Variants in KCTD1 observed in about 807,000 individuals in gnomAD.
KCTD1 encodes potassium channel tetramerization domain containing 1.
A neutral mutation model predicts 66.0 loss-of-function variants in KCTD1; 24 were observed. The observed-to-expected ratio is 0.36, with a 90% CI of 0.26 to 0.51. The LOEUF (loss-of-function observed/expected upper bound fraction) is 0.51. KCTD1 is among the 20% of genes least tolerant of loss of function. The pLI, the probability that KCTD1 is intolerant of heterozygous loss-of-function variation, is 0.95. For missense variants in KCTD1, 943 were observed against 1,205.2 expected, an observed-to-expected ratio of 0.78 and a Z score of 3.22; for synonymous variants, 511 against 517.2, an observed-to-expected ratio of 0.99 and a Z score of 0.16.
intron 1 of KCTD1, among the ~76,000 whole-genome samples, chr18:26,613,526 G>A (rs890954303): frequency 5.9e-5 from 9 of 152,186 alleles, no homozygotes; most frequent in African/African-American, 2.2e-4. Flanking sequence ...AAAGCAAAAG[G>A]AGAGAATCAC....
chr18:26,607,687 G>A (rs1163744925), intron 1 of KCTD1, among the ~76,000 whole-genome samples: 1 of 152,102 alleles, frequency 6.6e-6, no homozygotes, highest in Non-Finnish European at 1.5e-5. Flanking sequence ...AGCCCATGCA[G>A]TGTCATATTT....
intron 1 of KCTD1, among the ~76,000 whole-genome samples, chr18:26,512,661 C>T (rs1255343161): frequency 6.6e-6 from 1 of 152,082 alleles, no homozygotes; most frequent in Non-Finnish European, 1.5e-5. Flanking sequence ...ACAGGGAATT[C>T]CTGATGACAA....
upstream of KCTD1, among the ~76,000 whole-genome samples, chr18:26,643,709 T>C (rs144637756): frequency 5.6e-3 from 855 of 152,180 alleles, 1 homozygote; most frequent in African/African-American, 7.4e-3. Context: ...ACGCCTGTAA[T>C]CCCAGCACTT....
chr18:26,493,028 C>A (rs1044502287), intron 2 of KCTD1, among the ~76,000 whole-genome samples: 2 of 152,190 alleles, frequency 1.3e-5, no homozygotes, highest in Non-Finnish European at 1.5e-5. Context: ...ATACATTGAA[C>A]AAACTTTTGA....
chr18:26,467,650 A>T (rs1008633699), intron 3 of KCTD1, among the ~76,000 whole-genome samples: 1 of 152,112 alleles, frequency 6.6e-6, no homozygotes, highest in Non-Finnish European at 1.5e-5. Flanking sequence ...ACCCATCTCT[A>T]CTAAAAATAC....
intron 1 of KCTD1, chr18:26,600,027 C>G: frequency 6.2e-7 from 1 of 1,611,494 alleles, no homozygotes; most frequent in South Asian, 1.1e-5. Context: ...TGGAGGACGA[C>G]AGCATGGATC....
intron 1 of KCTD1, among the ~76,000 whole-genome samples, chr18:26,503,102 G>T (rs989350591): frequency 6.6e-6 from 1 of 152,190 alleles, no homozygotes; most frequent in African/African-American, 2.4e-5. Context: ...GTTTCTACAT[G>T]CTGAATTAAC....
At chr18:26,588,693 C>T (rs1032358871) in intron 1 of KCTD1, among the ~76,000 whole-genome samples, 11 of 152,136 alleles carry the variant, frequency 7.2e-5, no homozygotes, top group Non-Finnish European at 1.3e-4. Flanking sequence ...GAGAAGGAGG[C>T]GCCAACTTGG....
upstream of KCTD1, chr18:26,640,387 T>A (rs1357220074): frequency 6.6e-6 from 1 of 152,242 alleles, no homozygotes; most frequent in Admixed American, 6.5e-5. Context: ...AGATTCAGGC[T>A]GCAGTGAGCC....
intron 3 of KCTD1, among the ~76,000 whole-genome samples, chr18:26,469,170 G>T (rs1001554327): frequency 1.4e-5 from 2 of 146,278 alleles, no homozygotes; most frequent in South Asian, 4.3e-4. Flanking sequence ...ACATGCTTTT[G>T]TTTTTTTTTT....
At chr18:26,539,450 C>T (rs1487539100) in intron 1 of KCTD1, among the ~76,000 whole-genome samples, 2 of 152,106 alleles carry the variant, frequency 1.3e-5, no homozygotes, top group African/African-American at 4.8e-5. Flanking sequence ...CCAAGTAATG[C>T]AGATGTTGCT....
chr18:26,657,152 G>A (rs990692281), intron 1 of KCTD1, among the ~76,000 whole-genome samples: 2 of 151,690 alleles, frequency 1.3e-5, no homozygotes, highest in African/African-American at 4.8e-5. Flanking sequence ...GCCGAGAACC[G>A]GGAGCGGCAG....
Position 26,613,856 on chromosome 18 carries a change from C to T in KCTD1, c.-16+15291G>A, listed in dbSNP as rs543673931. On this transcript the variant is annotated intron_variant, in intron 1 of 4. Coordinates refer to the KCTD1 transcript ENST00000317932. ...TATCGGGGCCTTTGCACATATTGTT[C>T]CCTCTGCCTGGATTGCTCTTCTCCC... is the stretch of plus-strand genomic sequence containing the variant. 2.0e-5 allele frequency among the ~76,000 whole-genome samples: 3 copies of T among 152,244 alleles called. No homozygotes were observed. The South Asian group carries it at 6.2e-4, about 32-fold the overall frequency.
chr18:26,539,163 A>ATCG (rs775028332), intron 1 of KCTD1, among the ~76,000 whole-genome samples: 16 of 152,252 alleles, frequency 1.1e-4, no homozygotes, highest in Non-Finnish European at 1.5e-4. Context: ...ATACTGTGGA[A>ATCG]TCTGACAGGC....
intron 1 of KCTD1, among the ~76,000 whole-genome samples, chr18:26,638,845 A>T (rs1189462682): frequency 1.3e-5 from 2 of 152,218 alleles, no homozygotes; most frequent in Admixed American, 6.5e-5. Flanking sequence ...TGCTCCTAAA[A>T]ATGTTGCTTT....
intron 1 of KCTD1, among the ~76,000 whole-genome samples, chr18:26,519,587 T>G (rs1414280033): frequency 1.3e-5 from 2 of 152,226 alleles, no homozygotes; most frequent in Non-Finnish European, 2.9e-5. Flanking sequence ...CAACCATTTA[T>G]ATAAACTAAG....
upstream of KCTD1, chr18:26,549,248 T>A: frequency 1.1e-5 from 11 of 986,272 alleles, no homozygotes; most frequent in Non-Finnish European, 1.3e-5. Flanking sequence ...ACCTACTTGC[T>A]GGCGGCGAGG....
chr18:26,548,907 G>C, upstream of KCTD1: 1 of 989,762 alleles, frequency 1.0e-6, no homozygotes, highest in Non-Finnish European at 1.2e-6. Flanking sequence ...GCGGAGAATT[G>C]CGCGGGCCCG....
In KCTD1 at chr18:26,600,473, G is replaced by C. The variant is rs572176823; in HGVS notation, c.-16+28674C>G. 3.1e-5 allele frequency: 20 copies of C among 641,952 alleles called. No homozygotes were observed. The African/African-American group carries it at 3.4e-4, about 11-fold the overall frequency. 39.8% of individuals were successfully genotyped at this position (641,952 alleles called of 1,614,324 possible). A position where few individuals can be genotyped will look rare whatever the true frequency, so the allele number is the denominator to read the frequency against. On this transcript the variant is annotated intron_variant, in intron 1 of 4. Coordinates refer to the KCTD1 transcript ENST00000317932. Reference sequence around the variant, plus strand: ...CTATTTGCAGAGTGGGTGCTTAGCAGACAGAGTGAAGCTGGCTGGGGGGGG... The same window carrying C: ...CTATTTGCAGAGTGGGTGCTTAGCACACAGAGTGAAGCTGGCTGGGGGGGG...
Sources: gnomAD v4.1 joint callset for allele counts (sites outside exome capture counted in the v4.1 genomes callset) on GRCh38, gnomAD v4.1.1 for gene constraint, MANE v1.5 for transcripts, NCBI Gene and HGNC (gene_info 2026-07-23, HGNC 2026-07-21) for gene names.